XYLT1: variants seen among roughly 807,000 people sequenced by gnomAD.
XYLT1 encodes the protein beta-D-xylosyltransferase 1.
XYLT1 carries 36 observed loss-of-function variants against 91.3 expected under a neutral mutation model. The observed-to-expected ratio is 0.39, with a 90% CI of 0.30 to 0.52. XYLT1 has a LOEUF of 0.52. Among genes scored for constraint, XYLT1 ranks in the 20% least tolerant of loss-of-function variants. XYLT1 has a pLI of 0.68. For synonymous variants in XYLT1, 588 were observed against 532.0 expected (o/e 1.11, Z -1.45); for missense variants, 1,242 against 1,284.5 (o/e 0.97, Z 0.51).
chr16:17,191,626 G>A (rs887041860), intron 5 of XYLT1, among the ~76,000 whole-genome samples: 2 of 152,242 alleles, frequency 1.3e-5, no homozygotes, highest in African/African-American at 4.8e-5. Context: ...CTGGGGGTTA[G>A]TCTTGCTCAA....
At chr16:17,374,790 T>C (rs1403598351) in intron 1 of XYLT1, among the ~76,000 whole-genome samples, 1 of 152,188 alleles carries the variant, frequency 6.6e-6, no homozygotes, top group East Asian at 1.9e-4. Context: ...GGCATGAGTA[T>C]TTGTAGGCTG....
In XYLT1 at chr16:17,362,123, T is replaced by C. The variant is rs569646339; in HGVS notation, c.364-4073A>G. Among the ~76,000 whole-genome samples, 68 of 152,322 alleles carry C rather than the reference T, an allele frequency of 4.5e-4. 2 individuals carry two copies. In the South Asian group the frequency reaches 0.013, roughly 29 times the overall value. ...CTGGGTTCCACTCTTTCACAAGAGC[T>C]CTGCTGGAAAATATATTATTACTTT... On this transcript the variant is annotated intron_variant, in intron 1 of 11. Transcript: ENST00000261381.
intron 6 of XYLT1, among the ~76,000 whole-genome samples, chr16:17,147,908 CT>C (rs2031177506): frequency 6.6e-6 from 1 of 152,162 alleles, no homozygotes; most frequent in Non-Finnish European, 1.5e-5. Context: ...AAGCACAGAT[CT>C]GTAGCAATAA....
In XYLT1 at chr16:17,351,207, C is replaced by G. The variant is rs550000584; in HGVS notation, c.402+6805G>C. On this transcript the variant is annotated intron_variant, in intron 2 of 11. Transcript: ENST00000261381. ...CAGAGTCAGTCATGTCAATGCAGGT[C>G]TGGACACATTAGAAGATAAATGTGT... Among the ~76,000 whole-genome samples the G allele has an allele frequency of 2.0e-5, 3 of 152,208 alleles. No homozygotes were observed. The South Asian group carries it at 6.2e-4, about 32-fold the overall frequency.
intron 1 of XYLT1, among the ~76,000 whole-genome samples, chr16:17,370,601 A>G (rs1007743723): frequency 6.6e-6 from 1 of 152,206 alleles, no homozygotes; most frequent in Admixed American, 6.5e-5. Flanking sequence ...CTGTTTAGCC[A>G]GCACTTTGAG....
Position 17,468,972 on chromosome 16 carries a change from AAAG to A in XYLT1, c.363+1459_363+1461del, listed in dbSNP as rs906351913. Among the ~76,000 whole-genome samples the A allele has an allele frequency of 1.6e-4, 25 of 152,308 alleles. 1 individual carries two copies. The highest frequency in any genetic ancestry group is 5.2e-4 in the Admixed American group (8 of 15,298). ...AGCGTTTCAGAGTACCCCTCTCTGT[AAAG>A]AAGAGATCGCAGGACACTAGGAATG... On this transcript the variant is annotated intron_variant, in intron 1 of 11. Coordinates refer to ENST00000261381, the MANE Select transcript of XYLT1 (RefSeq NM_022166.4).
rs754849357 is a variant in XYLT1, at chr16:17,357,963, C to G, written c.402+49G>C. 6 of 1,599,228 alleles carry G rather than the reference C, an allele frequency of 3.8e-6. No individual in the cohort carries two copies. The East Asian group carries it at 1.1e-4, about 30-fold the overall frequency. On this transcript the variant is annotated intron_variant, in intron 2 of 11. Coordinates refer to ENST00000261381, the MANE Select transcript of XYLT1 (RefSeq NM_022166.4). ...GCCACGGGACAAGTCCCCTTGAGAG[C>G]TGGAATACTAAGGCTGAGATAAGTG...
chr16:17,136,869 G>A (rs926051940), intron 8 of XYLT1, among the ~76,000 whole-genome samples: 1 of 152,070 alleles, frequency 6.6e-6, no homozygotes, highest in African/African-American at 2.4e-5. Flanking sequence ...GGATACAAAT[G>A]CTTGTGCCTG....
intron 1 of XYLT1, among the ~76,000 whole-genome samples, chr16:17,384,184 G>A (rs2035719139): frequency 6.6e-6 from 1 of 151,808 alleles, no homozygotes; most frequent in Non-Finnish European, 1.5e-5. Context: ...CATAGAACCT[G>A]GGCTTCTATA....
intron 1 of XYLT1, among the ~76,000 whole-genome samples, chr16:17,390,550 A>G (rs2035803829): frequency 6.6e-6 from 1 of 152,242 alleles, no homozygotes; most frequent in African/African-American, 2.4e-5. Context: ...TGAGAAAATT[A>G]TGACAGTGAA....
intron 1 of XYLT1, among the ~76,000 whole-genome samples, chr16:17,361,641 G>C (rs565244395): frequency 1.3e-5 from 2 of 152,112 alleles, no homozygotes; most frequent in Admixed American, 1.3e-4. Context: ...GGAAATAAGT[G>C]ACCATCAGGA....
intron 2 of XYLT1, among the ~76,000 whole-genome samples, chr16:17,271,319 G>T (rs2033887150): frequency 6.6e-6 from 1 of 152,096 alleles, no homozygotes; most frequent in Admixed American, 6.5e-5. Flanking sequence ...GTGTGGTAGA[G>T]ACACAGAGAG....
Position 17,134,512 on chromosome 16 carries a change from G to C in XYLT1, c.1988C>G (p.Ala663Gly). 6.2e-7 allele frequency: 1 copy of C among 1,614,104 alleles called. No homozygotes were observed. The highest frequency in any genetic ancestry group is 8.5e-7 in the Non-Finnish European group (1 of 1,180,030). ...CCCATCCGTGTGCAGGGACGTCTCG[G>C]CCCGTCGAAGACCCAGGCGGGCAAA... ...HSFARLGLRR[A>G]ETSLHTDGEN... The change falls in exon 9 of 12, where the codon GCC (alanine) becomes GGC (glycine). Residue 663 changes from alanine to glycine, a missense_variant. By Grantham distance (60) the Ala-to-Gly change is moderately conservative. Transcript: ENST00000261381.
At chr16:17,179,930 A>G (rs1027053280) in intron 5 of XYLT1, among the ~76,000 whole-genome samples, 3 of 152,212 alleles carry the variant, frequency 2.0e-5, no homozygotes, top group African/African-American at 7.2e-5. Flanking sequence ...CCCACAGGCC[A>G]TACTTGGGAA....
intron 2 of XYLT1, among the ~76,000 whole-genome samples, chr16:17,284,614 T>C (rs2034107353): frequency 6.6e-6 from 1 of 152,042 alleles, no homozygotes; most frequent in Non-Finnish European, 1.5e-5. Context: ...GCAGCAGGAA[T>C]GGTAAAAGCA....
chr16:17,401,960 T>C (rs927691099), intron 1 of XYLT1, among the ~76,000 whole-genome samples: 4 of 152,252 alleles, frequency 2.6e-5, no homozygotes, highest in African/African-American at 7.2e-5. Flanking sequence ...TGGTGAATTA[T>C]GCGCTAATTA....
intron 11 of XYLT1, 68 bp from the exon 12 acceptor site, chr16:17,109,085 C>G: frequency 6.9e-7 from 1 of 1,442,448 alleles, no homozygotes; most frequent in Non-Finnish European, 9.2e-7. Flanking sequence ...CATACTTACC[C>G]TGTGCCTGGT....
intron 1 of XYLT1, among the ~76,000 whole-genome samples, chr16:17,452,757 A>T (rs1289644797): frequency 1.3e-5 from 2 of 152,152 alleles, no homozygotes; most frequent in Non-Finnish European, 2.9e-5. Flanking sequence ...CTACTTTTGA[A>T]ATCTATTAAG....
At chr16:17,416,536 T>C (rs6498705) in intron 1 of XYLT1, among the ~76,000 whole-genome samples, 13,305 of 152,134 alleles carry the variant, frequency 0.087, 808 homozygotes, top group African/African-American at 0.16. Flanking sequence ...AGTGGGCACA[T>C]CCCTATCACA....
Sources: gnomAD v4.1 joint callset for allele counts (sites outside exome capture counted in the v4.1 genomes callset) on GRCh38, gnomAD v4.1.1 for gene constraint, MANE v1.5 for transcripts, NCBI Gene and HGNC (gene_info 2026-07-23, HGNC 2026-07-21) for gene names.